AVEN: variants seen among roughly 807,000 people sequenced by gnomAD.
The protein encoded by AVEN is apoptosis and caspase activation inhibitor, also known as cell death regulator Aven.
A neutral mutation model predicts 38.1 loss-of-function variants in AVEN; 41 were observed. The observed-to-expected ratio is 1.08, with a 90% CI of 0.84 to 1.40. AVEN has a LOEUF of 1.40. AVEN is among the 40% of genes most tolerant of loss of function. The probability of loss-of-function intolerance (pLI) is 0.00; values close to 1 mark genes in which losing one functional copy is unlikely to be tolerated. For missense variants in AVEN, 605 were observed against 438.8 expected, an observed-to-expected ratio of 1.38 and a Z score of -3.38; for synonymous variants, 206 against 171.8, an observed-to-expected ratio of 1.20 and a Z score of -1.56.
At chr15:33,915,077 C>T (rs1358915132) in intron 2 of AVEN, among the ~76,000 whole-genome samples, 1 of 152,068 alleles carries the variant, frequency 6.6e-6, no homozygotes, top group African/African-American at 2.4e-5. Flanking sequence ...TTAAAAAGGG[C>T]TTCCAACTGG....
upstream of AVEN, among the ~76,000 whole-genome samples, chr15:34,039,766 A>G (rs1250447118): frequency 1.3e-5 from 2 of 152,220 alleles, no homozygotes; most frequent in Admixed American, 6.5e-5. Context: ...TTTCATTCTC[A>G]TAACAGCTCT....
At chr15:33,876,133 T>C in intron 2 of AVEN, 138 bp from the exon 3 acceptor site, 5 of 678,348 alleles carry the variant, frequency 7.4e-6, no homozygotes, top group South Asian at 5.8e-5. Context: ...AACTGGAACA[T>C]ACCTCCAACT....
At chr15:33,884,281 A>T (rs555716121) in intron 2 of AVEN, among the ~76,000 whole-genome samples, 2 of 152,336 alleles carry the variant, frequency 1.3e-5, no homozygotes, top group Admixed American at 1.3e-4. Context: ...GATAGTTGAC[A>T]TACTAATATT....
intron 2 of AVEN, among the ~76,000 whole-genome samples, chr15:33,966,655 A>G (rs1393271877): frequency 2.2e-5 from 1 of 45,764 alleles, no homozygotes; most frequent in Non-Finnish European, 2.5e-4. Flanking sequence ...GCCAATTTGA[A>G]AGATGAGATA....
chr15:34,070,195 A>T (rs935556651), intron 2 of AVEN, among the ~76,000 whole-genome samples: 10 of 152,166 alleles, frequency 6.6e-5, no homozygotes, highest in Non-Finnish European at 1.5e-5. Flanking sequence ...TACTATCACG[A>T]GAACAGCACG....
chr15:34,045,701 T>C (rs181720332), intron 5 of AVEN, among the ~76,000 whole-genome samples: 179 of 138,496 alleles, frequency 1.3e-3, no homozygotes, highest in Middle Eastern at 3.6e-3. Flanking sequence ...AAGCTTCTCA[T>C]AAAAAAAAAA....
At chr15:34,024,810 G>A (rs999610914) in intron 1 of AVEN, among the ~76,000 whole-genome samples, 7 of 149,870 alleles carry the variant, frequency 4.7e-5, no homozygotes, top group South Asian at 2.1e-4. Context: ...GCAGTGAGCC[G>A]AGATCGTGCC....
chr15:34,064,108 T>C lies in AVEN; in HGVS notation n.1127-676A>G, dbSNP rs769461692. On this transcript the variant is annotated intron_variant and non_coding_transcript_variant, in intron 4 of 11. Transcript: ENST00000675287. ...ACCCCGTATAACATCATGGTCCTGG[T>C]TTCTACCTTCTGTGACAAGTGTGTC... 3 of 1,614,070 alleles carry C rather than the reference T, an allele frequency of 1.9e-6. No homozygotes were observed. The African/African-American group carries it at 4.0e-5, about 22-fold the overall frequency.
At chr15:33,980,468 C>G (rs553024118) in intron 2 of AVEN, among the ~76,000 whole-genome samples, 2 of 152,290 alleles carry the variant, frequency 1.3e-5, no homozygotes, top group South Asian at 4.1e-4. Flanking sequence ...CCAGGCAACA[C>G]GTCCTCTGAT....
intron 2 of AVEN, among the ~76,000 whole-genome samples, chr15:33,931,349 CTTTTTTTTTT>C (rs71119903): frequency 1.1e-5 from 1 of 89,270 alleles, no homozygotes. Flanking sequence ...TGAATATTTT[CTTTTTTTTTT>C]TTTTTTTTTT....
chr15:33,925,427 T>C (rs1893572845), intron 2 of AVEN, among the ~76,000 whole-genome samples: 1 of 152,222 alleles, frequency 6.6e-6, no homozygotes, highest in Non-Finnish European at 1.5e-5. Flanking sequence ...GTGAAGACAC[T>C]TTGGTTGAAG....
At chr15:33,964,268 A>G (rs970391592) in intron 2 of AVEN, among the ~76,000 whole-genome samples, 1 of 152,188 alleles carries the variant, frequency 6.6e-6, no homozygotes, top group African/African-American at 2.4e-5. Context: ...AGCTTTCTAA[A>G]GTGTGGTCTG....
chr15:33,971,723 A>G, intron 2 of AVEN, among the ~76,000 whole-genome samples: 1 of 152,010 alleles, frequency 6.6e-6, no homozygotes, highest in East Asian at 1.9e-4. Context: ...AATTTTTTTC[A>G]TTCCATTATA....
intron 1 of AVEN, among the ~76,000 whole-genome samples, chr15:34,014,139 G>A (rs1327870140): frequency 6.6e-6 from 1 of 152,136 alleles, no homozygotes; most frequent in Non-Finnish European, 1.5e-5. Context: ...AACATGGGCG[G>A]ATCACCTGAG....
chr15:33,937,446 C>T (rs1004040613), intron 2 of AVEN, among the ~76,000 whole-genome samples: 26 of 150,070 alleles, frequency 1.7e-4, no homozygotes, highest in South Asian at 6.4e-4. Context: ...GGCAGGAGAA[C>T]GGCATGAACC....
chr15:34,008,258 G>A (rs1243967434), intron 1 of AVEN, among the ~76,000 whole-genome samples: 3 of 151,398 alleles, frequency 2.0e-5, no homozygotes, highest in Admixed American at 6.6e-5. Context: ...CTATCTCCAC[G>A]AAAAAGATAA....
chr15:33,976,771 A>C (rs1048168661), intron 2 of AVEN, among the ~76,000 whole-genome samples: 1 of 152,208 alleles, frequency 6.6e-6, no homozygotes, highest in Non-Finnish European at 1.5e-5. Context: ...TGAAATTTTT[A>C]ACATAAATTT....
intron 1 of AVEN, among the ~76,000 whole-genome samples, chr15:34,018,857 C>G (rs1203683479): frequency 9.3e-6 from 1 of 106,992 alleles, no homozygotes; most frequent in Non-Finnish European, 2.2e-5. Context: ...TTACAGAGTG[C>G]TGATCAGTGC....
At chr15:34,021,687 T>C (rs1898206395) in intron 1 of AVEN, among the ~76,000 whole-genome samples, 1 of 151,962 alleles carries the variant, frequency 6.6e-6, no homozygotes, top group African/African-American at 2.4e-5. Flanking sequence ...AAACCCCGTC[T>C]CTACTAAAAA....
Sources: allele counts gnomAD v4.1 joint callset (sites outside exome capture counted in the v4.1 genomes callset), GRCh38; gene constraint gnomAD v4.1.1; transcripts MANE v1.5; gene names NCBI Gene and HGNC (gene_info 2026-07-23, HGNC 2026-07-21).